Variants in SCFD2 observed in about 807,000 individuals in gnomAD.
SCFD2 encodes the protein sec1 family domain-containing protein 2.
Under a neutral mutation model 58.9 loss-of-function variants are expected in SCFD2, and 54 were observed. That is an observed-to-expected ratio of 0.92 (90% CI 0.74 to 1.15). SCFD2 has a LOEUF of 1.15. Ranked by LOEUF, SCFD2 falls within the 50% of genes most tolerant of loss-of-function variation. The pLI is 0.00. For synonymous variants in SCFD2, 321 were observed against 335.9 expected (o/e 0.96, Z 0.49); for missense variants, 805 against 836.6 (o/e 0.96, Z 0.47).
chr4:53,182,191 C>G (rs1280259260), intron 4 of SCFD2, among the ~76,000 whole-genome samples: 1 of 152,134 alleles, frequency 6.6e-6, no homozygotes, highest in Non-Finnish European at 1.5e-5. Context: ...GCCCACACTG[C>G]CAAGTCAATC....
At chr4:53,044,202 T>C (rs1313722847) in intron 5 of SCFD2, among the ~76,000 whole-genome samples, 1 of 151,832 alleles carries the variant, frequency 6.6e-6, no homozygotes, top group Non-Finnish European at 1.5e-5. Context: ...AATCCCCAAT[T>C]CCCCCTGGGG....
chr4:53,302,186 T>C (rs184215683), intron 3 of SCFD2, among the ~76,000 whole-genome samples: 4 of 152,334 alleles, frequency 2.6e-5, no homozygotes, highest in Admixed American at 6.5e-5. Flanking sequence ...ATGACATGAT[T>C]GTATATCTAG....
chr4:53,322,617 T>C (rs1253533942), intron 2 of SCFD2, among the ~76,000 whole-genome samples: 2 of 152,212 alleles, frequency 1.3e-5, no homozygotes, highest in Non-Finnish European at 2.9e-5. Context: ...CAGTAAAGCA[T>C]AAGAAAGACT....
At position 53,181,950 on chromosome 4, in the gene SCFD2, G is replaced by A. The variant is rs1727576133; in HGVS notation, c.1312-36368C>T. ...CCTAGGAATCCAACTTACAAGGGAT[G>A]TGAAGGACCTCTTTAAGGAGAACTA... is the stretch of plus-strand genomic sequence containing the variant. On this transcript the variant is annotated intron_variant, in intron 4 of 8. Transcript: ENST00000401642. 2.0e-5 allele frequency among the ~76,000 whole-genome samples: 3 copies of A among 152,328 alleles called. No homozygotes were observed. The South Asian group carries it at 6.2e-4, about 32-fold the overall frequency.
At chr4:53,120,109 C>T (rs1725437498) in intron 5 of SCFD2, among the ~76,000 whole-genome samples, 1 of 152,086 alleles carries the variant, frequency 6.6e-6, no homozygotes, top group Non-Finnish European at 1.5e-5. Context: ...AAGGGCTGTG[C>T]AATTCTCAAA....
Position 52,960,461 on chromosome 4 carries a change from C to T in SCFD2, c.1562-39591G>A, listed in dbSNP as rs550689957. On this transcript the variant is annotated intron_variant, in intron 5 of 8. Transcript: ENST00000401642. ...TTGGCTCACCACAACCTCCGCCTCC[C>T]GGGTTCAAGTGATTCTCCTGCCTCA... Among the ~76,000 whole-genome samples, 22 of 151,920 alleles carry T rather than the reference C, an allele frequency of 1.4e-4. 1 individual carries two copies. The South Asian group carries it at 2.7e-3, about 19-fold the overall frequency.
At chr4:53,321,675 G>A (rs1398023067) in intron 2 of SCFD2, among the ~76,000 whole-genome samples, 6 of 152,156 alleles carry the variant, frequency 3.9e-5, no homozygotes, top group Non-Finnish European at 5.9e-5. Context: ...AATGAGCTCT[G>A]AAGGTAGGTT....
chr4:53,225,547 G>A (rs1172697684), intron 4 of SCFD2, among the ~76,000 whole-genome samples: 1 of 152,110 alleles, frequency 6.6e-6, no homozygotes, highest in East Asian at 1.9e-4. Context: ...CTTTTATCAA[G>A]GTGAGTTGAT....
chr4:52,993,086 A>G (rs1289252459), intron 5 of SCFD2, among the ~76,000 whole-genome samples: 1 of 152,050 alleles, frequency 6.6e-6, no homozygotes, highest in Non-Finnish European at 1.5e-5. Context: ...GTTAATCTAT[A>G]ACCTTACCCC....
At position 53,218,636 on chromosome 4, in the gene SCFD2, T is replaced by G. The variant is rs1420333043; in HGVS notation, c.1311+55190A>C. On this transcript the variant is annotated intron_variant, in intron 4 of 8. Coordinates refer to ENST00000401642, the MANE Select transcript of SCFD2 (RefSeq NM_152540.4). The stretch of plus-strand genomic sequence containing the variant: ...TTTGATCGTCTGAAGCCTTCTTCTC[T>G]CAACTCGTCAAAGACATTCTCCGTC... 7.2e-5 allele frequency among the ~76,000 whole-genome samples: 11 copies of G among 152,240 alleles called. No individual in the cohort carries two copies. The South Asian group carries it at 1.0e-3, about 14-fold the overall frequency.
chr4:52,879,934 C>G (rs1008727340), intron 8 of SCFD2, among the ~76,000 whole-genome samples: 1 of 152,220 alleles, frequency 6.6e-6, no homozygotes, highest in African/African-American at 2.4e-5. Flanking sequence ...TATGCACAGG[C>G]ACCAACATGC....
intron 2 of SCFD2, among the ~76,000 whole-genome samples, chr4:53,339,342 T>TTATATGTAAATGTATATTACATATTATA (rs1434129626): frequency 3.7e-4 from 56 of 150,558 alleles, no homozygotes; most frequent in African/African-American, 9.9e-4. Flanking sequence ...TGTATACATA[T>TTATATGTAAATGTATATTACATATTATA]TATATGTAAA....
At chr4:53,338,705 C>T (rs1410078856) in intron 2 of SCFD2, among the ~76,000 whole-genome samples, 15 of 149,490 alleles carry the variant, frequency 1.0e-4, no homozygotes, top group Admixed American at 2.7e-4. Context: ...CTCAGCCTCC[C>T]GAGTAGCTGG....
intron 3 of SCFD2, among the ~76,000 whole-genome samples, chr4:53,289,958 C>T (rs948586675): frequency 6.6e-6 from 1 of 152,156 alleles, no homozygotes; most frequent in Non-Finnish European, 1.5e-5. Flanking sequence ...ACGCACCCAA[C>T]ATTGGAGCAC....
intron 5 of SCFD2, among the ~76,000 whole-genome samples, chr4:53,130,775 G>A (rs1349482697): frequency 6.6e-6 from 1 of 152,184 alleles, no homozygotes; most frequent in Non-Finnish European, 1.5e-5. Flanking sequence ...GTGGTTGGGG[G>A]TGATGAGGGG....
chr4:52,938,137 T>G (rs376365892), intron 5 of SCFD2, among the ~76,000 whole-genome samples: 2 of 152,216 alleles, frequency 1.3e-5, no homozygotes, highest in African/African-American at 4.8e-5. Context: ...TAGTTAACAT[T>G]TATTGAGCAC....
chr4:53,235,023 G>C (rs190346747), intron 4 of SCFD2, among the ~76,000 whole-genome samples: 26 of 152,320 alleles, frequency 1.7e-4, no homozygotes, highest in Admixed American at 9.2e-4. Flanking sequence ...CTTCCTCTAT[G>C]ATCCAAGATG....
intron 5 of SCFD2, among the ~76,000 whole-genome samples, chr4:53,073,100 T>C (rs1723869384): frequency 6.6e-6 from 1 of 152,158 alleles, no homozygotes; most frequent in Admixed American, 6.6e-5. Context: ...TTCCTTGCTA[T>C]TCCCCAAATC....
intron 7 of SCFD2, among the ~76,000 whole-genome samples, chr4:52,897,489 G>A (rs1450533444): frequency 6.6e-6 from 1 of 152,210 alleles, no homozygotes; most frequent in Non-Finnish European, 1.5e-5. Flanking sequence ...AACCAGCCTT[G>A]CATCCCAGGG....
Sources: gnomAD v4.1 joint callset for allele counts (sites outside exome capture counted in the v4.1 genomes callset) on GRCh38, gnomAD v4.1.1 for gene constraint, MANE v1.5 for transcripts, NCBI Gene and HGNC (gene_info 2026-07-23, HGNC 2026-07-21) for gene names.